Variants in PDGFD observed in about 807,000 individuals in gnomAD.
PDGFD encodes the protein platelet-derived growth factor D.
A neutral mutation model predicts 44.7 loss-of-function variants in PDGFD; 30 were observed. The observed-to-expected ratio is 0.67, with a 90% confidence interval of 0.50 to 0.91. PDGFD has a LOEUF of 0.91. Among genes scored for constraint, PDGFD ranks in the 40% least tolerant of loss-of-function variants. PDGFD has a pLI of 0.00. For missense variants in PDGFD, 445 were observed against 457.8 expected (o/e 0.97, Z 0.25); for synonymous variants, 173 against 168.4 (o/e 1.03, Z -0.21).
Position 103,975,205 on chromosome 11 carries a change from T to A in PDGFD, c.510+20860A>T, listed in dbSNP as rs1330831824. On this transcript the variant is annotated intron_variant, in intron 3 of 6. Transcript: ENST00000393158. ...ATTCTAACTAGCATGAGGTGGTATG[T>A]CACTGTGGTTTTGCTTTGCATTTCT... Among the ~76,000 whole-genome samples the A allele has an allele frequency of 2.6e-5, 4 of 152,224 alleles. No individual in the cohort carries two copies. The East Asian group carries it at 7.7e-4, about 29-fold the overall frequency.
In PDGFD at chr11:103,962,403, G is replaced by A. The variant is rs531863638; in HGVS notation, c.511-14679C>T. On this transcript the variant is annotated intron_variant, in intron 3 of 6. Transcript: ENST00000393158. ...AGGTTGGTCAGCAGGAATTGATTTG[G>A]AGGAATTACTAAAAGCTATGTCTAA... 4.6e-5 allele frequency among the ~76,000 whole-genome samples: 7 copies of A among 152,220 alleles called. No homozygotes were observed. In the East Asian group the frequency reaches 1.4e-3, roughly 29 times the overall value.
rs144717343 is a variant in PDGFD at position 104,093,885 on chromosome 11, T to C, written c.124+69919A>G. On this transcript the variant is annotated intron_variant, in intron 1 of 6. Transcript: ENST00000393158. Reference sequence around the variant, plus strand: ...CTTTCTGATCTAGTATCTCCAATCATTAAAAAAAATTCCTCTTAACCTCAC... The same window carrying C: ...CTTTCTGATCTAGTATCTCCAATCACTAAAAAAAATTCCTCTTAACCTCAC... Among the ~76,000 whole-genome samples the C allele has an allele frequency of 4.7e-5, 7 of 149,614 alleles. No individual in the cohort carries two copies. The East Asian group carries it at 1.4e-3, about 29-fold the overall frequency.
chr11:104,099,659 A>ATAT (rs1555052961), intron 1 of PDGFD, among the ~76,000 whole-genome samples: 4 of 149,012 alleles, frequency 2.7e-5, no homozygotes, highest in Non-Finnish European at 5.9e-5. Context: ...AATAATAATA[A>ATAT]TAATAATAAT....
intron 3 of PDGFD, among the ~76,000 whole-genome samples, chr11:103,994,772 GA>G (rs1859511001): frequency 6.6e-6 from 1 of 151,910 alleles, no homozygotes. Flanking sequence ...AGGATTCTGG[GA>G]TATTTATGTT....
chr11:104,063,069 C>G (rs1860737691), intron 1 of PDGFD, among the ~76,000 whole-genome samples: 2 of 152,114 alleles, frequency 1.3e-5, no homozygotes, highest in Non-Finnish European at 2.9e-5. Context: ...AAGCTCCAAG[C>G]TTTGGAAAGA....
chr11:103,960,999 G>A (rs1858927254), intron 3 of PDGFD, among the ~76,000 whole-genome samples: 1 of 152,146 alleles, frequency 6.6e-6, no homozygotes, highest in Non-Finnish European at 1.5e-5. Flanking sequence ...TTCAACAGAT[G>A]AGTTTAGGGA....
intron 3 of PDGFD, among the ~76,000 whole-genome samples, chr11:103,949,769 G>C (rs1858721258): frequency 6.6e-6 from 1 of 152,200 alleles, no homozygotes; most frequent in Admixed American, 6.5e-5. Flanking sequence ...AGTCTACTCA[G>C]CATGCCATGG....
At chr11:103,938,588 G>C (rs1318831103) in intron 5 of PDGFD, among the ~76,000 whole-genome samples, 2 of 152,098 alleles carry the variant, frequency 1.3e-5, no homozygotes, top group African/African-American at 4.8e-5. Flanking sequence ...TTTGGCTTTT[G>C]TTGCCATTGC....
At chr11:103,976,369 C>T (rs1456835428) in intron 3 of PDGFD, among the ~76,000 whole-genome samples, 1 of 152,042 alleles carries the variant, frequency 6.6e-6, no homozygotes, top group Non-Finnish European at 1.5e-5. Context: ...GATTTTTGCA[C>T]ATTGATTTTG....
At chr11:104,055,300 C>A (rs532066857) in intron 1 of PDGFD, among the ~76,000 whole-genome samples, 3 of 152,216 alleles carry the variant, frequency 2.0e-5, no homozygotes, top group Non-Finnish European at 4.4e-5. Flanking sequence ...GTTTCTCACT[C>A]AGTGTTTTTC....
intron 1 of PDGFD, among the ~76,000 whole-genome samples, chr11:104,113,696 C>T (rs1021959335): frequency 3.3e-5 from 5 of 151,596 alleles, no homozygotes; most frequent in African/African-American, 7.2e-5. Context: ...ATAAGAAAAA[C>T]GATCTTCCAA....
intron 1 of PDGFD, among the ~76,000 whole-genome samples, chr11:104,045,005 TC>T (rs1860417887): frequency 1.3e-5 from 2 of 152,080 alleles, no homozygotes; most frequent in African/African-American, 4.8e-5. Flanking sequence ...ACCACTGCAC[TC>T]CAGCCTCGGC....
At chr11:104,009,109 C>T (rs1409799993) in intron 1 of PDGFD, among the ~76,000 whole-genome samples, 1 of 152,036 alleles carries the variant, frequency 6.6e-6, no homozygotes, top group Non-Finnish European at 1.5e-5. Context: ...TTAAATGATC[C>T]TGCTTAACAT....
chr11:104,129,348 G>A (rs949767089), intron 1 of PDGFD, among the ~76,000 whole-genome samples: 3 of 151,746 alleles, frequency 2.0e-5, no homozygotes, highest in East Asian at 1.9e-4. Flanking sequence ...CATAACAGCC[G>A]CATAAAGATT....
At chr11:103,977,459 C>G (rs907582096) in intron 3 of PDGFD, among the ~76,000 whole-genome samples, 1 of 152,050 alleles carries the variant, frequency 6.6e-6, no homozygotes, top group Non-Finnish European at 1.5e-5. Context: ...TACTGGCAAA[C>G]CAAATCCAGC....
At chr11:104,017,938 T>A (rs1457985082) in intron 1 of PDGFD, among the ~76,000 whole-genome samples, 4 of 152,194 alleles carry the variant, frequency 2.6e-5, no homozygotes, top group Admixed American at 2.6e-4. Flanking sequence ...TTTGAAAATC[T>A]ACTACAGTGA....
chr11:104,009,247 A>G (rs183454377), intron 1 of PDGFD, among the ~76,000 whole-genome samples: 1 of 152,206 alleles, frequency 6.6e-6, no homozygotes, highest in Non-Finnish European at 1.5e-5. Flanking sequence ...AAAAGAAGAA[A>G]AATGCTGTAA....
intron 1 of PDGFD, among the ~76,000 whole-genome samples, chr11:104,056,586 G>T (rs1860619322): frequency 6.6e-6 from 1 of 152,004 alleles, no homozygotes; most frequent in African/African-American, 2.4e-5. Context: ...GAACACCAAG[G>T]ATTCCTGAGA....
intron 1 of PDGFD, among the ~76,000 whole-genome samples, chr11:104,075,446 T>A (rs1860942845): frequency 6.6e-6 from 1 of 152,104 alleles, no homozygotes; most frequent in Admixed American, 6.5e-5. Context: ...AGTTGTTAGC[T>A]AATAGAGACT....
Sources: gnomAD v4.1 joint callset for allele counts (sites outside exome capture counted in the v4.1 genomes callset) on GRCh38, gnomAD v4.1.1 for gene constraint, MANE v1.5 for transcripts, NCBI Gene and HGNC (gene_info 2026-07-23, HGNC 2026-07-21) for gene names.